The following TENM4 variants were observed in gnomAD, a reference collection of about 807,000 sequenced individuals.
The protein encoded by TENM4 is teneurin transmembrane protein 4.
TENM4 carries 82 observed loss-of-function variants against 243.3 expected under a neutral mutation model. That is an observed-to-expected ratio of 0.34 (90% confidence interval 0.28 to 0.40). TENM4 has a LOEUF of 0.40. TENM4 is among the 10% of genes least tolerant of loss of function. The pLI is 1.00. For missense variants in TENM4, 3,138 were observed against 3,673.3 expected (o/e 0.85, Z 3.77); for synonymous variants, 1,412 against 1,456.3 (o/e 0.97, Z 0.69).
intron 9 of TENM4, among the ~76,000 whole-genome samples, chr11:78,889,075 C>T (rs1855606831): frequency 6.6e-6 from 1 of 152,178 alleles, no homozygotes; most frequent in Non-Finnish European, 1.5e-5. Flanking sequence ...ACAGGGGGAG[C>T]CATCTGCTGT....
chr11:78,746,484 T>G (rs1164449100), intron 19 of TENM4, among the ~76,000 whole-genome samples: 1 of 152,248 alleles, frequency 6.6e-6, no homozygotes, highest in Non-Finnish European at 1.5e-5. Context: ...GCCTGGCTGC[T>G]CAATGCTGAT....
chr11:78,848,202 C>CT (rs760653257), intron 12 of TENM4, among the ~76,000 whole-genome samples: 50 of 151,804 alleles, frequency 3.3e-4, no homozygotes, highest in Non-Finnish European at 6.5e-4. Context: ...AGTAACCTCC[C>CT]TTGACCACAT....
chr11:79,199,296 T>C (rs1863695000), intron 3 of TENM4, among the ~76,000 whole-genome samples: 1 of 152,170 alleles, frequency 6.6e-6, no homozygotes. Context: ...ATGTAAACCA[T>C]GTAAAAGAGT....
chr11:79,022,836 C>A (rs558413133), intron 6 of TENM4, among the ~76,000 whole-genome samples: 39 of 152,236 alleles, frequency 2.6e-4, no homozygotes, highest in African/African-American at 8.9e-4. Flanking sequence ...ATGATGGTAG[C>A]AGCAACCACC....
intron 3 of TENM4, among the ~76,000 whole-genome samples, chr11:79,164,100 G>T (rs1452738236): frequency 9.7e-6 from 1 of 102,592 alleles, no homozygotes; most frequent in Non-Finnish European, 1.7e-5. Flanking sequence ...TGTATATATA[G>T]TATATATACA....
intron 7 of TENM4, among the ~76,000 whole-genome samples, chr11:78,902,117 AG>A (rs1855941580): frequency 6.6e-6 from 1 of 152,196 alleles, no homozygotes; most frequent in East Asian, 1.9e-4. Context: ...CCACTACTTT[AG>A]GAAGTAGGGT....
chr11:79,368,020 T>C (rs1857709356), intron 1 of TENM4, among the ~76,000 whole-genome samples: 1 of 152,076 alleles, frequency 6.6e-6, no homozygotes, highest in Non-Finnish European at 1.5e-5. Context: ...GAAACCAGCA[T>C]GGGGTTGAAA....
At chr11:79,116,343 G>A (rs1008405755) in intron 4 of TENM4, among the ~76,000 whole-genome samples, 2 of 152,208 alleles carry the variant, frequency 1.3e-5, no homozygotes, top group Non-Finnish European at 2.9e-5. Context: ...CAAACTCACA[G>A]CTAGTAAGGA....
chr11:78,991,045 G>A (rs1223553153), intron 6 of TENM4, among the ~76,000 whole-genome samples: 1 of 152,154 alleles, frequency 6.6e-6, no homozygotes, highest in African/African-American at 2.4e-5. Context: ...ACTGTAACCT[G>A]GCAGTGATTT....
At chr11:79,224,691 C>T (rs551281922) in intron 2 of TENM4, among the ~76,000 whole-genome samples, 6 of 152,274 alleles carry the variant, frequency 3.9e-5, no homozygotes, top group Non-Finnish European at 8.8e-5. Context: ...TGGCTCACGC[C>T]TGTAATCCCA....
intron 6 of TENM4, among the ~76,000 whole-genome samples, chr11:79,050,542 T>C (rs952784120): frequency 1.3e-5 from 2 of 152,224 alleles, no homozygotes; most frequent in African/African-American, 4.8e-5. Flanking sequence ...CCATGAGGGC[T>C]CTTCTCTCCT....
chr11:78,859,919 G>A (rs1858774782), intron 10 of TENM4, among the ~76,000 whole-genome samples: 1 of 152,148 alleles, frequency 6.6e-6, no homozygotes, highest in African/African-American at 2.4e-5. Flanking sequence ...CCCCATTAAT[G>A]TGTAACACAA....
At chr11:78,879,321 G>A (rs1490543371) in intron 9 of TENM4, among the ~76,000 whole-genome samples, 11 of 146,630 alleles carry the variant, frequency 7.5e-5, no homozygotes, top group African/African-American at 2.5e-4. Flanking sequence ...CACCCGATCT[G>A]GGATGTGAGG....
At chr11:79,395,447 C>A (rs556710077) in intron 1 of TENM4, among the ~76,000 whole-genome samples, 1 of 152,302 alleles carries the variant, frequency 6.6e-6, no homozygotes, top group East Asian at 1.9e-4. Context: ...CAAGAACTTG[C>A]CACCAGGAAC....
intron 1 of TENM4, among the ~76,000 whole-genome samples, chr11:79,410,596 T>C (rs965210930): frequency 2.6e-5 from 4 of 152,320 alleles, no homozygotes; most frequent in Non-Finnish European, 4.4e-5. Context: ...TCCTAACACA[T>C]ATGTATGAAC....
At chr11:78,883,284 C>T (rs542142191) in intron 9 of TENM4, among the ~76,000 whole-genome samples, 3 of 150,478 alleles carry the variant, frequency 2.0e-5, no homozygotes, top group Non-Finnish European at 4.4e-5. Flanking sequence ...TCTCATTTAA[C>T]CTGCACAACA....
intron 6 of TENM4, among the ~76,000 whole-genome samples, chr11:78,920,473 G>A (rs1310943073): frequency 3.9e-5 from 6 of 152,194 alleles, no homozygotes; most frequent in East Asian, 1.9e-4. Context: ...CGCTGAGCCC[G>A]GAGGCAGGAA....
intron 6 of TENM4, among the ~76,000 whole-genome samples, chr11:78,999,083 G>T (rs1426886157): frequency 6.6e-6 from 1 of 152,178 alleles, no homozygotes; most frequent in Non-Finnish European, 1.5e-5. Context: ...CTGTCCATCT[G>T]TCCATTGGTT....
At chr11:79,064,342 G>A (rs987349314) in intron 6 of TENM4, among the ~76,000 whole-genome samples, 1 of 152,132 alleles carries the variant, frequency 6.6e-6, no homozygotes, top group African/African-American at 2.4e-5. Flanking sequence ...GGTTGCCCAG[G>A]ACAGCTGAGC....
Sources: allele counts gnomAD v4.1 joint callset (sites outside exome capture counted in the v4.1 genomes callset), GRCh38; gene constraint gnomAD v4.1.1; transcripts MANE v1.5; gene names NCBI Gene and HGNC (gene_info 2026-07-23, HGNC 2026-07-21).